Variants in CWC27 observed in about 807,000 individuals in gnomAD.
The protein encoded by CWC27 is spliceosome-associated protein CWC27 homolog.
Under a neutral mutation model 63.6 loss-of-function variants are expected in CWC27, and 47 were observed. The ratio of observed to expected loss-of-function variants is 0.74; its 90% CI spans 0.58 to 0.94. The LOEUF (loss-of-function observed/expected upper bound fraction) is 0.94, where lower values mean the gene tolerates loss of function less well. Among genes scored for constraint, CWC27 ranks in the 40% least tolerant of loss-of-function variants. The pLI is 0.00. For missense variants in CWC27, 495 were observed against 554.3 expected, an observed-to-expected ratio of 0.89 and a Z score of 1.07; for synonymous variants, 175 against 179.8, an observed-to-expected ratio of 0.97 and a Z score of 0.22.
At chr5:64,925,823 A>G (rs1173433085) in intron 11 of CWC27, among the ~76,000 whole-genome samples, 3 of 152,132 alleles carry the variant, frequency 2.0e-5, no homozygotes, top group Non-Finnish European at 4.4e-5. Flanking sequence ...ATCTATTCTG[A>G]TGGGTCCTTG....
chr5:64,792,595 A>G (rs931787681), intron 7 of CWC27, among the ~76,000 whole-genome samples: 3 of 152,074 alleles, frequency 2.0e-5, no homozygotes, highest in Non-Finnish European at 4.4e-5. Context: ...CCTTTTAAAC[A>G]CATCTTTTTT....
chr5:64,990,426 G>A (rs1310825505), intron 13 of CWC27, among the ~76,000 whole-genome samples: 2 of 107,994 alleles, frequency 1.9e-5, no homozygotes, highest in East Asian at 2.3e-4. Context: ...CACTACGCCC[G>A]GCTAATTTTT....
rs1346492076 is a variant in CWC27, at chr5:64,809,358, A to G, written c.938+4972A>G. On this transcript the variant is annotated intron_variant, in intron 10 of 13. Coordinates refer to ENST00000381070, the MANE Select transcript of CWC27 (RefSeq NM_005869.4). ...ACATTAACTGTGGTAAGCATGCATT[A>G]CAAAGCTTATTCTTTTTTTTTGTTT... Among the ~76,000 whole-genome samples, 4 of 152,146 alleles carry G rather than the reference A, an allele frequency of 2.6e-5. No individual in the cohort carries two copies. In the East Asian group the frequency reaches 5.8e-4, roughly 22 times the overall value.
rs1027171084 is a variant in CWC27 at position 64,878,059 on chromosome 5, T to C, written c.939-7384T>C. ...CTTTTTACACTTATAATTTTGATTA[T>C]GCATTTTAGAAACATTATTTTTTGC... On this transcript the variant is annotated intron_variant, in intron 10 of 13. Transcript: ENST00000381070. 3.4e-4 allele frequency among the ~76,000 whole-genome samples: 52 copies of C among 152,106 alleles called. 1 individual carries two copies. Among genetic ancestry groups the C allele is most frequent in the Admixed American group, 3.1e-3 (47 of 15,286 alleles).
intron 10 of CWC27, among the ~76,000 whole-genome samples, chr5:64,812,278 C>T (rs1463886725): frequency 6.6e-6 from 1 of 151,892 alleles, no homozygotes; most frequent in East Asian, 1.9e-4. Flanking sequence ...TATAACAACC[C>T]AATTCAAACC....
At chr5:64,897,533 A>G (rs138673148) in intron 11 of CWC27, among the ~76,000 whole-genome samples, 2,396 of 152,296 alleles carry the variant, frequency 0.016, 53 homozygotes, top group African/African-American at 0.056. Context: ...GGAGTTGGAC[A>G]ATGAGAACAC....
At chr5:64,768,922 T>C, upstream of CWC27, 1 of 576,792 alleles carries the variant, frequency 1.7e-6, no homozygotes, top group African/African-American at 1.9e-5. Flanking sequence ...ATAACCCTTC[T>C]CAGGGTTAGC....
chr5:64,784,096 T>G, intron 4 of CWC27, 117 bp downstream of exon 4: 1 of 882,268 alleles, frequency 1.1e-6, no homozygotes, highest in Non-Finnish European at 1.6e-6. Flanking sequence ...AAACATTCCA[T>G]AGGATATGTT....
intron 10 of CWC27, among the ~76,000 whole-genome samples, chr5:64,805,573 G>A (rs966848523): frequency 2.6e-5 from 4 of 151,602 alleles, no homozygotes; most frequent in African/African-American, 9.7e-5. Context: ...TTTTTTTAAA[G>A]GTTAGGTTTA....
At chr5:64,955,153 C>A (rs1322798772) in intron 11 of CWC27, among the ~76,000 whole-genome samples, 3 of 152,032 alleles carry the variant, frequency 2.0e-5, no homozygotes, top group Non-Finnish European at 4.4e-5. Context: ...CTATAAAGTA[C>A]CTTACAGACA....
rs147057655 is a variant in CWC27, at chr5:64,783,447, G to A, written c.253-389G>A. Among the ~76,000 whole-genome samples, 1,399 of 152,268 alleles carry A rather than the reference G, an allele frequency of 9.2e-3. 17 individuals carry two copies. Among genetic ancestry groups the A allele is most frequent in the African/African-American group, 0.032 (1,344 of 41,558 alleles). ...TGTTTAATGACATTTAGAATGAGAT[G>A]GGAAGGAGTAATAATTGAATACTCT... is the stretch of plus-strand genomic sequence containing the variant. On this transcript the variant is annotated intron_variant, in intron 3 of 13. Coordinates refer to ENST00000381070, the MANE Select transcript of CWC27 (RefSeq NM_005869.4).
chr5:64,921,853 T>C (rs1748004911), intron 11 of CWC27, among the ~76,000 whole-genome samples: 1 of 152,210 alleles, frequency 6.6e-6, no homozygotes, highest in Admixed American at 6.5e-5. Flanking sequence ...GCAGGTCTAA[T>C]GGTAACAAAG....
At chr5:64,979,913 A>C (rs1749303251) in intron 13 of CWC27, among the ~76,000 whole-genome samples, 1 of 150,790 alleles carries the variant, frequency 6.6e-6, no homozygotes, top group Non-Finnish European at 1.5e-5. Context: ...CTGTATTGGC[A>C]TGGTATACAA....
intron 10 of CWC27, among the ~76,000 whole-genome samples, chr5:64,859,228 G>T (rs559841945): frequency 2.0e-5 from 3 of 152,266 alleles, no homozygotes; most frequent in Admixed American, 6.5e-5. Context: ...TATGATGATA[G>T]AAAGCAGAAC....
At chr5:64,978,143 C>T (rs1205444636) in intron 13 of CWC27, among the ~76,000 whole-genome samples, 1 of 152,180 alleles carries the variant, frequency 6.6e-6, no homozygotes, top group Non-Finnish European at 1.5e-5. Context: ...GTTGAGCACT[C>T]ACAAATCTAG....
chr5:64,981,953 A>G (rs1749337184), intron 13 of CWC27, among the ~76,000 whole-genome samples: 1 of 152,102 alleles, frequency 6.6e-6, no homozygotes, highest in African/African-American at 2.4e-5. Flanking sequence ...TTATTATTGC[A>G]CTTTGGCTAA....
intron 11 of CWC27, among the ~76,000 whole-genome samples, chr5:64,912,080 A>G (rs1165430906): frequency 7.0e-6 from 1 of 143,666 alleles, no homozygotes; most frequent in Non-Finnish European, 1.5e-5. Flanking sequence ...TCTCAAAAAA[A>G]AAAAAAAAAA....
intron 3 of CWC27, among the ~76,000 whole-genome samples, chr5:64,783,397 A>G (rs1379824150): frequency 6.6e-6 from 1 of 152,236 alleles, no homozygotes; most frequent in Non-Finnish European, 1.5e-5. Context: ...AGATTATTTG[A>G]ATTAAAAAAC....
chr5:64,816,214 T>C (rs905761459), intron 10 of CWC27, among the ~76,000 whole-genome samples: 1 of 152,136 alleles, frequency 6.6e-6, no homozygotes, highest in African/African-American at 2.4e-5. Context: ...GAGAATCTTA[T>C]TGGCGTGGCC....
Sources: gnomAD v4.1 joint callset for allele counts (sites outside exome capture counted in the v4.1 genomes callset) on GRCh38, gnomAD v4.1.1 for gene constraint, MANE v1.5 for transcripts, NCBI Gene and HGNC (gene_info 2026-07-23, HGNC 2026-07-21) for gene names.